The following MRPS9 variants were observed in gnomAD, a reference collection of about 807,000 sequenced individuals.
The protein encoded by MRPS9 is mitochondrial ribosomal protein S9, also known as small ribosomal subunit protein uS9m.
In MRPS9, 45 loss-of-function variants were observed where a neutral mutation model predicts 59.9. That is an observed-to-expected ratio of 0.75 (90% CI 0.59 to 0.96). MRPS9 has a LOEUF of 0.96. Among genes scored for constraint, MRPS9 ranks in the 40% least tolerant of loss-of-function variants. The pLI, the probability that MRPS9 is intolerant of heterozygous loss-of-function variation, is 0.00. For synonymous variants in MRPS9, 171 were observed against 166.8 expected (o/e 1.03, Z -0.19); for missense variants, 473 against 481.1 (o/e 0.98, Z 0.16).
chr2:105,092,988 A>G (rs148560331), intron 8 of MRPS9, among the ~76,000 whole-genome samples: 1 of 152,344 alleles, frequency 6.6e-6, no homozygotes, highest in East Asian at 1.9e-4. Flanking sequence ...TCTTGTTCAG[A>G]GCCATTAGAC....
At chr2:105,039,900 A>G (rs930031795) in intron 1 of MRPS9, among the ~76,000 whole-genome samples, 2 of 152,164 alleles carry the variant, frequency 1.3e-5, no homozygotes, top group Non-Finnish European at 2.9e-5. Context: ...TCTTTCCCCC[A>G]TATGGCAAAT....
Position 105,061,716 on chromosome 2 carries a change from A to G in MRPS9, c.316-9597A>G, listed in dbSNP as rs973226225. ...ACTGAAAGTTGCACTGCCTGGGGGGAGGAGCATTGGGGACAGTATTCCCTG... is the reference window on the plus strand; with the variant it reads ...ACTGAAAGTTGCACTGCCTGGGGGGGGGAGCATTGGGGACAGTATTCCCTG... On this transcript the variant is annotated intron_variant, in intron 2 of 10. Transcript: ENST00000258455. Among the ~76,000 whole-genome samples the G allele has an allele frequency of 6.6e-5, 10 of 151,854 alleles. No individual in the cohort carries two copies. The East Asian group carries it at 1.7e-3, about 26-fold the overall frequency.
intron 2 of MRPS9, among the ~76,000 whole-genome samples, chr2:105,058,131 C>T (rs565364918): frequency 6.6e-6 from 1 of 152,284 alleles, no homozygotes; most frequent in Non-Finnish European, 1.5e-5. Flanking sequence ...AATTTGTGCT[C>T]ACTTCTAATG....
chr2:105,055,722 T>C (rs1679780435), intron 2 of MRPS9, among the ~76,000 whole-genome samples: 1 of 152,204 alleles, frequency 6.6e-6, no homozygotes, highest in African/African-American at 2.4e-5. Flanking sequence ...CTCATATGGT[T>C]TTCTGTTTTC....
At chr2:105,089,704 T>G (rs1012725403) in intron 6 of MRPS9, among the ~76,000 whole-genome samples, 1 of 152,212 alleles carries the variant, frequency 6.6e-6, no homozygotes, top group African/African-American at 2.4e-5. Flanking sequence ...GTGGCATATT[T>G]AACTCTTAAA....
At chr2:105,058,837 G>A (rs974869087) in intron 2 of MRPS9, among the ~76,000 whole-genome samples, 1 of 151,846 alleles carries the variant, frequency 6.6e-6, no homozygotes, top group African/African-American at 2.4e-5. Context: ...CCACCACCAT[G>A]CTCAGCTAAT....
At chr2:105,059,198 A>G (rs1311589985) in intron 2 of MRPS9, among the ~76,000 whole-genome samples, 1 of 151,966 alleles carries the variant, frequency 6.6e-6, no homozygotes, top group Non-Finnish European at 1.5e-5. Flanking sequence ...TACCAATTTT[A>G]GAATTGAATA....
In MRPS9 at chr2:105,096,982, G is replaced by A. The variant is rs1680674344; in HGVS notation, c.930-173G>A. The A allele has an allele frequency of 5.2e-6, 3 of 575,808 alleles. No homozygotes were observed. The East Asian group carries it at 1.1e-4, about 21-fold the overall frequency. 35.7% of individuals were successfully genotyped at this position (575,808 alleles called of 1,614,324 possible). A position where few individuals can be genotyped will look rare whatever the true frequency, so the allele number is the denominator to read the frequency against. On this transcript the variant is annotated intron_variant, in intron 9 of 10. Coordinates refer to ENST00000258455, the MANE Select transcript of MRPS9 (RefSeq NM_182640.3). ...AATCTCTCAGCAAATCATTCAAAAT[G>A]TCAGAAATGTTAGTGTTTCTATATC...
chr2:105,038,316 C>A, intron 1 of MRPS9, 89 bp downstream of exon 1: 2 of 1,518,068 alleles, frequency 1.3e-6, no homozygotes, highest in Non-Finnish European at 1.8e-6. Flanking sequence ...GTCTCGCGTG[C>A]CTTCAGGCAG....
rs961424719 is a variant in MRPS9 at position 105,061,714 on chromosome 2, G to T, written c.316-9599G>T. ...GGACTGAAAGTTGCACTGCCTGGGG[G>T]GAGGAGCATTGGGGACAGTATTCCC... On this transcript the variant is annotated intron_variant, in intron 2 of 10. Coordinates refer to ENST00000258455, the MANE Select transcript of MRPS9 (RefSeq NM_182640.3). Among the ~76,000 whole-genome samples, 8 of 152,098 alleles carry T rather than the reference G, an allele frequency of 5.3e-5. No homozygotes were observed. The East Asian group carries it at 1.5e-3, about 29-fold the overall frequency.
intron 7 of MRPS9, 181 bp from the exon 8 acceptor site, chr2:105,092,220 T>C (rs1680572410): frequency 6.7e-6 from 3 of 450,960 alleles, no homozygotes; most frequent in Admixed American, 7.9e-5. Context: ...GCACTAAAGA[T>C]ACGCAGGAAA....
intron 2 of MRPS9, among the ~76,000 whole-genome samples, chr2:105,062,620 A>C (rs1462647429): frequency 6.6e-6 from 1 of 152,240 alleles, no homozygotes; most frequent in East Asian, 1.9e-4. Context: ...TAACCTTGTA[A>C]CCATTTAATG....
intron 4 of MRPS9, among the ~76,000 whole-genome samples, chr2:105,074,863 A>G (rs183356711): frequency 2.6e-5 from 4 of 152,322 alleles, no homozygotes; most frequent in Admixed American, 2.6e-4. Flanking sequence ...TTTGTGAAGG[A>G]CGATTTCACG....
chr2:105,048,651 TTAAGC>T (rs1679652662), intron 1 of MRPS9, among the ~76,000 whole-genome samples: 1 of 152,040 alleles, frequency 6.6e-6, no homozygotes, highest in Non-Finnish European at 1.5e-5. Flanking sequence ...GAATAAAGTC[TTAAGC>T]TAAGCCAAAA....
At position 105,092,565 on chromosome 2, in the gene MRPS9, T is replaced by C. The variant is rs6543282; in HGVS notation, c.816T>C (p.Ser272=). The C allele has an allele frequency of 0.96, 1,496,663 of 1,557,220 alleles. 719,440 individuals carry two copies. Among genetic ancestry groups the C allele is most frequent in the East Asian group, 1 (43,017 of 43,022 alleles). The change falls in exon 8 of 11, where the codon AGT becomes AGC. Residue 272 remains serine, a synonymous_variant. Coordinates refer to ENST00000258455, the MANE Select transcript of MRPS9 (RefSeq NM_182640.3). The part of the protein sequence containing the change: ...YDEQGMAFSK[S]EGKRKTAKAE... ...AGCAAGGAATGGCCTTTAGCAAAAG[T>C]GAAGGTAATGACATTCTGTGGAGAG...
intron 2 of MRPS9, among the ~76,000 whole-genome samples, chr2:105,050,276 C>T (rs1158547391): frequency 6.6e-6 from 1 of 152,004 alleles, no homozygotes; most frequent in Non-Finnish European, 1.5e-5. Flanking sequence ...AGTAGCTGGG[C>T]TTACAGGCAC....
At chr2:105,061,170 G>A (rs2104448296) in intron 2 of MRPS9, among the ~76,000 whole-genome samples, 1 of 146,730 alleles carries the variant, frequency 6.8e-6, no homozygotes, top group Non-Finnish European at 1.5e-5. Flanking sequence ...TTGAGCAAAT[G>A]CCTTTCTACT....
intron 5 of MRPS9, among the ~76,000 whole-genome samples, chr2:105,081,042 C>G (rs748822253): frequency 4.6e-5 from 7 of 152,172 alleles, no homozygotes; most frequent in African/African-American, 1.7e-4. Flanking sequence ...GGCTCCGGCT[C>G]GGTAGAGGTT....
intron 2 of MRPS9, among the ~76,000 whole-genome samples, chr2:105,068,779 T>C (rs1285471501): frequency 6.6e-6 from 1 of 152,280 alleles, no homozygotes; most frequent in Non-Finnish European, 1.5e-5. Flanking sequence ...TCTTGGCTTT[T>C]CTGTCTGTTT....
Sources: allele counts gnomAD v4.1 joint callset (sites outside exome capture counted in the v4.1 genomes callset), GRCh38; gene constraint gnomAD v4.1.1; transcripts MANE v1.5; gene names NCBI Gene and HGNC (gene_info 2026-07-23, HGNC 2026-07-21).